MYO1D: variants seen among roughly 807,000 people sequenced by gnomAD.
The protein encoded by MYO1D is unconventional myosin-Id.
Under a neutral mutation model 122.0 loss-of-function variants are expected in MYO1D, and 83 were observed. The ratio of observed to expected loss-of-function variants is 0.68; its 90% CI spans 0.57 to 0.82. The LOEUF (loss-of-function observed/expected upper bound fraction) is 0.82. Among genes scored for constraint, MYO1D ranks in the 40% least tolerant of loss-of-function variants. The probability of loss-of-function intolerance (pLI) is 0.00; values close to 1 mark genes in which losing one functional copy is unlikely to be tolerated. For missense variants in MYO1D, 1,157 were observed against 1,269.5 expected (o/e 0.91, Z 1.35); for synonymous variants, 464 against 446.9 (o/e 1.04, Z -0.48).
chr17:32,753,902 A>G (rs1375567141), intron 11 of MYO1D, among the ~76,000 whole-genome samples: 1 of 136,194 alleles, frequency 7.3e-6, no homozygotes, highest in Admixed American at 7.3e-5. Context: ...ATCTCAAAAG[A>G]AAAAAAAAAA....
Position 32,676,814 on chromosome 17 carries a change from A to G in MYO1D, c.2122-17476T>C, listed in dbSNP as rs915986534. Among the ~76,000 whole-genome samples, 3 of 146,850 alleles carry G rather than the reference A, an allele frequency of 2.0e-5. No individual in the cohort carries two copies. The East Asian group carries it at 5.9e-4, about 29-fold the overall frequency. On this transcript the variant is annotated intron_variant, in intron 16 of 21. Coordinates refer to ENST00000318217, the MANE Select transcript of MYO1D (RefSeq NM_015194.3). ...ACAATGATGTTTTATGAAAAATAGA[A>G]TTTTTTTTTTTTTTGAGACGGAGTC...
intron 1 of MYO1D, among the ~76,000 whole-genome samples, chr17:32,784,849 C>T (rs989887834): frequency 1.7e-4 from 26 of 151,908 alleles, no homozygotes; most frequent in African/African-American, 6.3e-4. Flanking sequence ...TATGGAGAAC[C>T]GGAAGGTGGT....
intron 16 of MYO1D, among the ~76,000 whole-genome samples, chr17:32,664,255 T>TG (rs1214229028): frequency 6.6e-6 from 1 of 152,210 alleles, no homozygotes. Context: ...GCAGGAGGGT[T>TG]GTTGGTTGGT....
At chr17:32,788,221 C>A (rs114015733) in intron 1 of MYO1D, among the ~76,000 whole-genome samples, 2 of 152,088 alleles carry the variant, frequency 1.3e-5, no homozygotes, top group African/African-American at 2.4e-5. Context: ...ACCATAGCTA[C>A]GCCAATATCT....
intron 1 of MYO1D, among the ~76,000 whole-genome samples, chr17:32,791,449 C>T (rs920183277): frequency 6.7e-6 from 1 of 150,310 alleles, no homozygotes; most frequent in Non-Finnish European, 1.5e-5. Context: ...ACCAGAATTG[C>T]GTCAAAATTA....
chr17:32,516,980 T>A (rs1909914323), intron 21 of MYO1D, among the ~76,000 whole-genome samples: 1 of 152,218 alleles, frequency 6.6e-6, no homozygotes, highest in East Asian at 1.9e-4. Flanking sequence ...GCACAACAAA[T>A]TAGCGTGGGT....
chr17:32,495,382 G>T (rs1909054840), intron 21 of MYO1D, among the ~76,000 whole-genome samples: 1 of 152,268 alleles, frequency 6.6e-6, no homozygotes, highest in Admixed American at 6.5e-5. Context: ...AAGTGGGCCT[G>T]ACTTGGGTTT....
chr17:32,786,641 G>A (rs958877816), intron 1 of MYO1D, among the ~76,000 whole-genome samples: 1 of 152,188 alleles, frequency 6.6e-6, no homozygotes, highest in African/African-American at 2.4e-5. Flanking sequence ...CCAACATGGC[G>A]AAACGCCGGC....
At chr17:32,717,618 G>T (rs983770558) in intron 15 of MYO1D, among the ~76,000 whole-genome samples, 1 of 152,092 alleles carries the variant, frequency 6.6e-6, no homozygotes. Context: ...CTCTTGAATG[G>T]TATTTTGACA....
intron 16 of MYO1D, among the ~76,000 whole-genome samples, chr17:32,675,764 T>C (rs917694147): frequency 2.0e-5 from 3 of 152,164 alleles, no homozygotes; most frequent in South Asian, 2.1e-4. Flanking sequence ...GTTTTCAGTA[T>C]GTTGATGATC....
chr17:32,850,131 CTTTT>C (rs528257889), intron 1 of MYO1D, among the ~76,000 whole-genome samples: 1 of 151,912 alleles, frequency 6.6e-6, no homozygotes, highest in South Asian at 2.1e-4. Flanking sequence ...TGGGAAATAA[CTTTT>C]TTTTTCCATT....
chr17:32,514,218 C>T (rs945416926), intron 21 of MYO1D, among the ~76,000 whole-genome samples: 9 of 125,762 alleles, frequency 7.2e-5, no homozygotes, highest in Admixed American at 5.1e-4. Context: ...CCAGCCTGGG[C>T]GACAGAGCAA....
chr17:32,798,204 A>G (rs533346055), intron 1 of MYO1D, among the ~76,000 whole-genome samples: 546 of 152,326 alleles, frequency 3.6e-3, no homozygotes, highest in Admixed American at 6.3e-3. Context: ...CCAACAAGGA[A>G]CTGAGCAAAG....
At chr17:32,633,481 T>G (rs2088050898) in intron 20 of MYO1D, among the ~76,000 whole-genome samples, 1 of 152,180 alleles carries the variant, frequency 6.6e-6, no homozygotes, top group South Asian at 2.1e-4. Context: ...TTGCTTCACT[T>G]TCCTCTTTAC....
chr17:32,868,984 G>A (rs547786946), intron 1 of MYO1D, among the ~76,000 whole-genome samples: 5 of 151,776 alleles, frequency 3.3e-5, no homozygotes, highest in South Asian at 4.2e-4. Context: ...TGAGGCGGGC[G>A]GATCACTTGA....
intron 11 of MYO1D, 52 bp downstream of exon 11, chr17:32,755,440 A>G: frequency 6.4e-7 from 1 of 1,563,734 alleles, no homozygotes; most frequent in South Asian, 1.2e-5. Flanking sequence ...TCCATCAAAC[A>G]ATAAGGAGAA....
chr17:32,876,699 G>A (rs578168731), intron 1 of MYO1D, 79 bp downstream of exon 1: 5 of 1,245,838 alleles, frequency 4.0e-6, no homozygotes, highest in Admixed American at 6.1e-5. Flanking sequence ...CCGACACCCC[G>A]GATCCGGCCG....
At chr17:32,772,879 T>C (rs1598086558) in intron 4 of MYO1D, 37 bp from the exon 5 acceptor site, 1 of 1,575,140 alleles carries the variant, frequency 6.3e-7, no homozygotes, top group Admixed American at 1.7e-5. Context: ...AACCCGAAAA[T>C]GTGCCCCTAA....
At chr17:32,508,053 T>G (rs959218162) in intron 21 of MYO1D, among the ~76,000 whole-genome samples, 13 of 152,006 alleles carry the variant, frequency 8.6e-5, no homozygotes, top group Non-Finnish European at 1.8e-4. Context: ...TGTGCCACCA[T>G]GCCCAGGCAA....
Sources: gnomAD v4.1 joint callset for allele counts (sites outside exome capture counted in the v4.1 genomes callset) on GRCh38, gnomAD v4.1.1 for gene constraint, MANE v1.5 for transcripts, NCBI Gene and HGNC (gene_info 2026-07-23, HGNC 2026-07-21) for gene names.